Variants in ARHGEF16 observed in about 807,000 individuals in gnomAD.
ARHGEF16 encodes the protein Rho guanine nucleotide exchange factor 16.
Under a neutral mutation model 74.1 loss-of-function variants are expected in ARHGEF16, and 59 were observed. That is an observed-to-expected ratio of 0.80 (90% CI 0.65 to 0.99). ARHGEF16 has a LOEUF of 0.99. ARHGEF16 is among the 50% of genes least tolerant of loss of function. ARHGEF16 has a pLI of 0.00. For missense variants in ARHGEF16, 948 were observed against 986.6 expected, an observed-to-expected ratio of 0.96 and a Z score of 0.52; for synonymous variants, 415 against 412.6, an observed-to-expected ratio of 1.01 and a Z score of -0.07.
At position 3,480,747 on chromosome 1, in the gene ARHGEF16, C is replaced by A. The variant is rs77274399; in HGVS notation, c.*160C>A. ...GTGGTGCCGGGCTCCAGACACTTCA[C>A]GGAAGGAAGATCACATGTCCCCAGA... On this transcript the variant is annotated 3_prime_UTR_variant, in exon 15 of 15. Coordinates refer to ENST00000378378, the MANE Select transcript of ARHGEF16 (RefSeq NM_014448.4). 692 of 1,016,878 alleles carry A rather than the reference C, an allele frequency of 6.8e-4. 5 individuals carry two copies. The African/African-American group carries it at 0.01, about 15-fold the overall frequency. 63.0% of individuals were successfully genotyped at this position (1,016,878 alleles called of 1,614,324 possible).
At chr1:3,464,609 G>A (rs940477893) in intron 2 of ARHGEF16, among the ~76,000 whole-genome samples, 20 of 152,162 alleles carry the variant, frequency 1.3e-4, no homozygotes, top group Non-Finnish European at 2.4e-4. Context: ...CTTGTTGGGC[G>A]CCTTGCTCAG....
At chr1:3,473,699 C>T (rs545062472) in intron 8 of ARHGEF16, 177 bp downstream of exon 8, 7 of 1,072,570 alleles carry the variant, frequency 6.5e-6, no homozygotes, top group South Asian at 1.6e-5. Context: ...TTGTGGTCGC[C>T]GCCACCCACA....
intron 12 of ARHGEF16, 103 bp from the exon 13 acceptor site, chr1:3,479,414 C>CCAA: frequency 8.6e-7 from 1 of 1,166,672 alleles, no homozygotes; most frequent in Non-Finnish European, 1.2e-6. Context: ...CCACCACCCC[C>CCAA]ATCTCCTTGC....
intron 8 of ARHGEF16, chr1:3,474,224 C>T (rs565165598): frequency 2.5e-5 from 5 of 203,920 alleles, no homozygotes; most frequent in South Asian, 2.0e-4. Flanking sequence ...CACACATACA[C>T]GTGGATGCAC....
Position 3,480,849 on chromosome 1 carries a change from C to CG in ARHGEF16, c.*262_*263insG. ...AGCCTATTCCCGTTGGCTGGCTGGGCCCCTCAGCTGCTGGGCCCCACCTCC... is the reference window on the plus strand; with the variant it reads ...AGCCTATTCCCGTTGGCTGGCTGGGCGCCCTCAGCTGCTGGGCCCCACCTCC... On this transcript the variant is annotated 3_prime_UTR_variant, in exon 15 of 15. Coordinates refer to ENST00000378378, the MANE Select transcript of ARHGEF16 (RefSeq NM_014448.4). 2.4e-6 allele frequency: 1 copy of CG among 419,120 alleles called. No homozygotes were observed. The highest frequency in any genetic ancestry group is 4.0e-6 in the Non-Finnish European group (1 of 252,244). The allele number at this position is 419,120 out of a possible 1,614,324, so 26.0% of individuals were successfully genotyped here.
At chr1:3,480,031 C>T (rs1640013474) in intron 14 of ARHGEF16, 118 bp downstream of exon 14, 4 of 967,274 alleles carry the variant, frequency 4.1e-6, no homozygotes, top group Non-Finnish European at 6.2e-6. Flanking sequence ...TGCTCACCCT[C>T]TCTCGAGGGC....
At chr1:3,461,046 C>A (rs911948525) in intron 1 of ARHGEF16, among the ~76,000 whole-genome samples, 1 of 152,156 alleles carries the variant, frequency 6.6e-6, no homozygotes, top group East Asian at 1.9e-4. Context: ...TGACTTTGGG[C>A]GAGTGACTCA....
chr1:3,469,011 C>T (rs937523471), intron 5 of ARHGEF16, 75 bp downstream of exon 5: 41 of 1,514,520 alleles, frequency 2.7e-5, no homozygotes, highest in East Asian at 1.7e-4. Context: ...GCAGCAGCCA[C>T]GGTGGCACCA....
chr1:3,476,053 C>T lies in ARHGEF16; in HGVS notation c.1464C>T (p.Ser488=). The stretch of plus-strand genomic sequence containing the variant: ...CGCTGCACACACAGCTGGACTTCAG[C>T]AAGGTCAAGGTAGGTGGCCCCGGAC... ...MYTLHTQLDF[S]KVKSLPLISA... is the part of the protein sequence containing the mutation. The change falls in exon 10 of 15, where the codon AGC becomes AGT. Residue 488 remains serine, a synonymous_variant. Coordinates refer to ENST00000378378, the MANE Select transcript of ARHGEF16 (RefSeq NM_014448.4). 1 of 1,552,054 alleles carries T rather than the reference C, an allele frequency of 6.4e-7. No homozygotes were observed. Among genetic ancestry groups the T allele is most frequent in the Non-Finnish European group, 8.7e-7 (1 of 1,147,724 alleles).
At chr1:3,461,895 C>T (rs1280472395) in intron 1 of ARHGEF16, among the ~76,000 whole-genome samples, 3 of 152,284 alleles carry the variant, frequency 2.0e-5, no homozygotes, top group Admixed American at 6.5e-5. Flanking sequence ...CTGGCAGGCA[C>T]GTATGTCCCA....
At chr1:3,471,378 G>C (rs942413654) in intron 6 of ARHGEF16, among the ~76,000 whole-genome samples, 1 of 152,050 alleles carries the variant, frequency 6.6e-6, no homozygotes, top group Non-Finnish European at 1.5e-5. Context: ...CGCCCCTGGC[G>C]AGTCCCACCC....
intron 4 of ARHGEF16, 27 bp downstream of exon 4, chr1:3,467,364 C>T (rs1357004163): frequency 1.3e-6 from 2 of 1,536,916 alleles, no homozygotes; most frequent in Admixed American, 2.0e-5. Flanking sequence ...GGTGAGGCTG[C>T]CCCACAGAGG....
chr1:3,480,391 G>C, intron 14 of ARHGEF16, 57 bp from the exon 15 acceptor site: 13 of 1,601,252 alleles, frequency 8.1e-6, no homozygotes, highest in Middle Eastern at 1.7e-4. Flanking sequence ...CAGCTCAGAG[G>C]GGCCGGGGGA....
rs757401859 is a variant in ARHGEF16, at chr1:3,477,968, C to T, written c.1567C>T (p.Arg523Trp). ...CGGACTTTTTCGAAAAATTGCCAGCCGGCCAACGTGCTACCTTTTCCTGTT... is the reference window on the plus strand; with the variant it reads ...CGGACTTTTTCGAAAAATTGCCAGCTGGCCAACGTGCTACCTTTTCCTGTT... The part of the protein sequence containing the change: ...ETGLFRKIAS[R>W]PTCYLFLFND... The change falls in exon 11 of 15, where the codon CGG (arginine) becomes TGG (tryptophan). Residue 523 changes from arginine (R) to tryptophan (W), a missense_variant. Physicochemically the swap from Arg to Trp is moderately radical, Grantham distance 101. Transcript: ENST00000378378. 30 of 1,612,600 alleles carry T rather than the reference C, an allele frequency of 1.9e-5. No homozygotes were observed. Among genetic ancestry groups the T allele is most frequent in the East Asian group, 6.7e-5 (3 of 44,888 alleles).
At chr1:3,454,853 G>C (rs2100726342) in intron 1 of ARHGEF16, 42 bp downstream of exon 1, 1 of 152,268 alleles carries the variant, frequency 6.6e-6, no homozygotes, top group East Asian at 1.9e-4. Context: ...AGGTGAGTCG[G>C]GGCTCGGGGG....
Position 3,463,351 on chromosome 1 carries a change from C to A in ARHGEF16, c.267C>A (p.Ile89=). 3 of 1,550,224 alleles carry A rather than the reference C, an allele frequency of 1.9e-6. No individual in the cohort carries two copies. The highest frequency in any genetic ancestry group is 2.6e-6 in the Non-Finnish European group (3 of 1,146,902). ...AALKLGTQQL[I]PKSLAVASKA... The stretch of plus-strand genomic sequence containing the variant: ...TCAAGCTGGGCACCCAACAGCTGAT[C>A]CCTAAGAGCCTGGCTGTGGCCAGCA... Residue 89 remains isoleucine, a synonymous_variant, in exon 2 of 15, where the codon ATC becomes ATA. Transcript: ENST00000378378.
At chr1:3,471,636 C>T (rs1438026339) in intron 6 of ARHGEF16, 1 of 1,191,478 alleles carries the variant, frequency 8.4e-7, no homozygotes, top group Admixed American at 3.4e-5. Context: ...GTCCTCCGGT[C>T]CCCTCTGCCT....
rs183853787 is a variant in ARHGEF16, at chr1:3,477,097, G to A, written c.1474-778G>A. On this transcript the variant is annotated intron_variant, in intron 10 of 14. Coordinates refer to ENST00000378378, the MANE Select transcript of ARHGEF16 (RefSeq NM_014448.4). ...GGGGAGAACAGGCCCATCCAGGAGGGAGGGTGGTGGCAGAGGCCGGGAGCG... is the reference window on the plus strand; with the variant it reads ...GGGGAGAACAGGCCCATCCAGGAGGAAGGGTGGTGGCAGAGGCCGGGAGCG... Among the ~76,000 whole-genome samples the A allele has an allele frequency of 7.5e-3, 1,141 of 152,028 alleles. 15 individuals are homozygous for A. The highest frequency in any genetic ancestry group is 0.027 in the African/African-American group (1,101 of 41,446).
chr1:3,470,694 G>A (rs950150727), intron 6 of ARHGEF16, among the ~76,000 whole-genome samples: 6 of 146,118 alleles, frequency 4.1e-5, no homozygotes, highest in Admixed American at 4.1e-4. Context: ...CGTGGGCAAG[G>A]GTGTCTGTGC....
Sources: allele counts gnomAD v4.1 joint callset (sites outside exome capture counted in the v4.1 genomes callset), GRCh38; gene constraint gnomAD v4.1.1; transcripts MANE v1.5; gene names NCBI Gene and HGNC (gene_info 2026-07-23, HGNC 2026-07-21).